Variants in SLC6A11 observed in about 807,000 individuals in gnomAD.
The protein encoded by SLC6A11 is sodium- and chloride-dependent GABA transporter 3.
Under a neutral mutation model 74.8 loss-of-function variants are expected in SLC6A11, and 25 were observed. The ratio of observed to expected loss-of-function variants is 0.33; its 90% CI spans 0.24 to 0.47. SLC6A11 has a LOEUF of 0.47. Among genes scored for constraint, SLC6A11 ranks in the 20% least tolerant of loss-of-function variants. The probability of loss-of-function intolerance (pLI) is 1.00; values close to 1 mark genes in which losing one functional copy is unlikely to be tolerated. For missense variants in SLC6A11, 574 were observed against 837.0 expected (o/e 0.69, Z 3.88); for synonymous variants, 330 against 330.2 (o/e 1.00, Z 0.01).
intron 5 of SLC6A11, 133 bp downstream of exon 5, chr3:10,844,479 A>G (rs1211438539): frequency 9.4e-7 from 1 of 1,064,558 alleles, no homozygotes; most frequent in African/African-American, 1.5e-5. Context: ...ACACTGGACC[A>G]GAGTGAGCTC....
chr3:10,862,512 G>T (rs1694714081), intron 5 of SLC6A11, among the ~76,000 whole-genome samples: 1 of 152,200 alleles, frequency 6.6e-6, no homozygotes. Context: ...TTCTTAATGA[G>T]CATGGTTGCT....
At chr3:10,831,842 TC>T (rs1289824321) in intron 4 of SLC6A11, among the ~76,000 whole-genome samples, 2 of 152,202 alleles carry the variant, frequency 1.3e-5, no homozygotes, top group African/African-American at 4.8e-5. Flanking sequence ...TCTTTCTTTC[TC>T]CTATATGCAC....
chr3:10,854,272 C>G (rs1298629377), intron 5 of SLC6A11, among the ~76,000 whole-genome samples: 1 of 152,098 alleles, frequency 6.6e-6, no homozygotes, highest in East Asian at 1.9e-4. Flanking sequence ...GCCTGTAGTC[C>G]CAGCTACTTG....
chr3:10,925,092 A>G (rs1256328978), intron 8 of SLC6A11, among the ~76,000 whole-genome samples: 1 of 152,220 alleles, frequency 6.6e-6, no homozygotes, highest in African/African-American at 2.4e-5. Flanking sequence ...TCAAGGGGCC[A>G]ATGGCAGTGT....
In SLC6A11 at chr3:10,858,643, G is replaced by A. The variant is rs140827772; in HGVS notation, c.756+14297G>A. On this transcript the variant is annotated intron_variant, in intron 5 of 13. Coordinates refer to ENST00000254488, the MANE Select transcript of SLC6A11 (RefSeq NM_014229.3). ...ATTTTTGTTTCCACTTTATAGGTGG[G>A]CACACTGAGGCTTAGCGAGGTACAG... Among the ~76,000 whole-genome samples the A allele has an allele frequency of 2.6e-5, 4 of 152,332 alleles. No homozygotes were observed. The East Asian group carries it at 5.8e-4, about 22-fold the overall frequency.
chr3:10,926,189 GA>G lies in SLC6A11; in HGVS notation c.1233+74del. ...CCAGGAGGCCAGACGCCACCCTTAG[GA>G]GTGGCTCCCCAGGCCCAGCCACTCC... On this transcript the variant is annotated intron_variant, in intron 9 of 13. Coordinates refer to ENST00000254488, the MANE Select transcript of SLC6A11 (RefSeq NM_014229.3). This position sits in a 1 kb window ranked among gnomAD's most constrained non-coding sequence, Gnocchi z 5.7. The G allele has an allele frequency of 1.0e-6, 1 of 971,060 alleles. No homozygotes were observed. Among genetic ancestry groups the G allele is most frequent in the Non-Finnish European group, 1.6e-6 (1 of 632,254 alleles). 60.2% of individuals were successfully genotyped at this position (971,060 alleles called of 1,614,324 possible). A position where few individuals can be genotyped will look rare whatever the true frequency, so the allele number is the denominator to read the frequency against.
At chr3:10,874,815 A>G (rs1016407277) in intron 5 of SLC6A11, 146 bp from the exon 6 acceptor site, 3 of 652,652 alleles carry the variant, frequency 4.6e-6, no homozygotes, top group Non-Finnish European at 7.4e-6. Context: ...GATCAAGCAA[A>G]TGTGGTCTAT....
At chr3:10,910,703 C>G (rs1695374410) in intron 6 of SLC6A11, among the ~76,000 whole-genome samples, 1 of 152,110 alleles carries the variant, frequency 6.6e-6, no homozygotes, top group Non-Finnish European at 1.5e-5. Context: ...CATGGACTTG[C>G]ATCTGCCACT....
chr3:10,936,304 C>T (rs1239975070), intron 13 of SLC6A11, among the ~76,000 whole-genome samples: 5 of 152,218 alleles, frequency 3.3e-5, no homozygotes, highest in Non-Finnish European at 7.3e-5. Flanking sequence ...CTGAAGGATA[C>T]AGCAGAGACT....
At chr3:10,844,913 G>A (rs1321159735) in intron 5 of SLC6A11, among the ~76,000 whole-genome samples, 1 of 152,186 alleles carries the variant, frequency 6.6e-6, no homozygotes, top group East Asian at 1.9e-4. Context: ...CATGGCCTGG[G>A]AGTTACACAT....
intron 10 of SLC6A11, among the ~76,000 whole-genome samples, chr3:10,932,531 A>G (rs1695702776): frequency 1.3e-5 from 2 of 152,152 alleles, no homozygotes; most frequent in Admixed American, 6.5e-5. Context: ...GGCTTCCTGA[A>G]GGAGGTGGCA....
intron 6 of SLC6A11, among the ~76,000 whole-genome samples, chr3:10,877,628 T>C (rs1052872146): frequency 1.3e-5 from 2 of 152,190 alleles, no homozygotes; most frequent in African/African-American, 4.8e-5. Flanking sequence ...AGAAATCACA[T>C]TGCTATACAA....
chr3:10,902,478 T>C (rs1265668855), intron 6 of SLC6A11, among the ~76,000 whole-genome samples: 1 of 152,240 alleles, frequency 6.6e-6, no homozygotes, highest in Admixed American at 6.5e-5. Flanking sequence ...CATAGTATAG[T>C]TGAGAATCGT....
chr3:10,931,433 C>G (rs1350350356), intron 10 of SLC6A11, among the ~76,000 whole-genome samples: 1 of 152,106 alleles, frequency 6.6e-6, no homozygotes. Context: ...GAAATACAAG[C>G]CCCGTACTCC....
chr3:10,908,005 C>T (rs57782179), intron 6 of SLC6A11, among the ~76,000 whole-genome samples: 1,640 of 152,182 alleles, frequency 0.011, 23 homozygotes, highest in African/African-American at 0.035. Flanking sequence ...CTGGTGCATG[C>T]CTGTAGTCAC....
At chr3:10,821,783 G>T (rs1390278023) in intron 3 of SLC6A11, among the ~76,000 whole-genome samples, 2 of 151,364 alleles carry the variant, frequency 1.3e-5, no homozygotes, top group East Asian at 3.9e-4. Flanking sequence ...AAAAATAACT[G>T]GTCAACTTGG....
chr3:10,847,153 G>T (rs951575346), intron 5 of SLC6A11, among the ~76,000 whole-genome samples: 5 of 152,168 alleles, frequency 3.3e-5, no homozygotes, highest in Non-Finnish European at 7.3e-5. Flanking sequence ...GGCATGGAGG[G>T]ATACAATAAT....
At position 10,926,204 on chromosome 3, in the gene SLC6A11, C is replaced by G; in HGVS notation, c.1233+88C>G. The G allele has an allele frequency of 1.3e-6, 1 of 756,802 alleles. No homozygotes were observed. The highest frequency in any genetic ancestry group is 2.2e-6 in the Non-Finnish European group (1 of 449,880). The allele number at this position is 756,802 out of a possible 1,614,324, so 46.9% of individuals were successfully genotyped here. A position where few individuals can be genotyped will look rare whatever the true frequency, so the allele number is the denominator to read the frequency against. On this transcript the variant is annotated intron_variant, in intron 9 of 13. Coordinates refer to ENST00000254488, the MANE Select transcript of SLC6A11 (RefSeq NM_014229.3). The surrounding 1 kb of genome is among the most constrained non-coding windows in gnomAD (Gnocchi z 5.7). The stretch of plus-strand genomic sequence containing the variant: ...CCACCCTTAGGAGTGGCTCCCCAGG[C>G]CCAGCCACTCCCACCTGGCCCTGGC...
At chr3:10,828,000 A>G (rs1416005410) in intron 4 of SLC6A11, among the ~76,000 whole-genome samples, 1 of 152,216 alleles carries the variant, frequency 6.6e-6, no homozygotes, top group African/African-American at 2.4e-5. Context: ...TCAGACTTCA[A>G]AATTAGGCCA....
Sources: gnomAD v4.1 joint callset for allele counts (sites outside exome capture counted in the v4.1 genomes callset) on GRCh38, gnomAD v4.1.1 for gene constraint, Gnocchi (gnomAD v3.1) non-coding constraint, MANE v1.5 for transcripts, NCBI Gene and HGNC (gene_info 2026-07-23, HGNC 2026-07-21) for gene names.